The following TAAR5 variants were observed in gnomAD, a reference collection of about 807,000 sequenced individuals.
TAAR5 encodes the protein trace amine-associated receptor 5.
TAAR5 carries 27 observed loss-of-function variants against 21.1 expected under a neutral mutation model. The observed-to-expected ratio is 1.28, with a 90% CI of 0.94 to 1.76. The LOEUF (loss-of-function observed/expected upper bound fraction) is 1.76, where lower values mean the gene tolerates loss of function less well. Ranked by LOEUF, TAAR5 falls within the 40% of genes most tolerant of loss-of-function variation. The pLI is 0.00. For synonymous variants in TAAR5, 203 were observed against 167.5 expected, an observed-to-expected ratio of 1.21 and a Z score of -1.64; for missense variants, 495 against 405.6, an observed-to-expected ratio of 1.22 and a Z score of -1.89.
the TAAR5 span, among the ~76,000 whole-genome samples, chr6:132,606,625 G>T: frequency 1.3e-5 from 2 of 152,130 alleles, no homozygotes; most frequent in African/African-American, 4.8e-5. Flanking sequence ...ATATTTTACT[G>T]CTATCAATTA....
At chr6:132,600,871 G>C in the TAAR5 span, among the ~76,000 whole-genome samples, 2 of 44,498 alleles carry the variant, frequency 4.5e-5, no homozygotes, top group Non-Finnish European at 9.3e-5. Flanking sequence ...GAAGGAAGGA[G>C]AGAGGGAAGG....
At chr6:132,591,065 G>T (rs1776899534), upstream of TAAR5, among the ~76,000 whole-genome samples, 1 of 152,152 alleles carries the variant, frequency 6.6e-6, no homozygotes, top group Non-Finnish European at 1.5e-5. Flanking sequence ...AGAAAGCATG[G>T]TAGATGAAGC....
upstream of TAAR5, among the ~76,000 whole-genome samples, chr6:132,592,523 A>T (rs377075584): frequency 2.0e-5 from 3 of 152,126 alleles, no homozygotes; most frequent in African/African-American, 7.2e-5. Context: ...TGTAAATCTC[A>T]TGTCAAATTG....
In TAAR5 at chr6:132,589,115, C is replaced by T. The variant is rs1276273844; in HGVS notation, c.572G>A (p.Ser191Asn). 1 of 1,613,522 alleles carries T rather than the reference C, an allele frequency of 6.2e-7. No homozygotes were observed. The highest frequency in any genetic ancestry group is 8.5e-7 in the Non-Finnish European group (1 of 1,179,664). ...AAATTTATTGAGCAGCAGCTGGCAA[C>T]TGCCCACACAAGGCATCTCTTCCAG... Reference protein sequence around the residue: ...QWLEEMPCVGSCQLLLNKFWG... With the variant: ...QWLEEMPCVGNCQLLLNKFWG... Residue 191 changes from serine to asparagine, a missense_variant, in exon 1 of 1, where the codon AGT (serine) becomes AAT (asparagine). Coordinates refer to ENST00000258034, the MANE Select transcript of TAAR5 (RefSeq NM_003967.3).
chr6:132,595,992 C>T, the TAAR5 span, among the ~76,000 whole-genome samples: 17 of 152,308 alleles, frequency 1.1e-4, no homozygotes, highest in Admixed American at 8.5e-4. Context: ...ACATTTATCT[C>T]TCCAGTATGG....
chr6:132,608,488 AC>A, the TAAR5 span: 2 of 454,472 alleles, frequency 4.4e-6, no homozygotes. Context: ...AGCCAGAAAC[AC>A]CCCCATTACT....
chr6:132,615,137 C>T, the TAAR5 span, among the ~76,000 whole-genome samples: 4 of 152,242 alleles, frequency 2.6e-5, no homozygotes, highest in African/African-American at 9.6e-5. Flanking sequence ...GCTGGGATTA[C>T]AGGCATCTCT....
the TAAR5 span, among the ~76,000 whole-genome samples, chr6:132,614,464 T>G: frequency 1.3e-5 from 2 of 152,156 alleles, no homozygotes; most frequent in Non-Finnish European, 2.9e-5. Flanking sequence ...CAACAATTTC[T>G]GATTCTTTAT....
the TAAR5 span, among the ~76,000 whole-genome samples, chr6:132,615,938 C>G: frequency 6.6e-6 from 1 of 151,040 alleles, no homozygotes; most frequent in Non-Finnish European, 1.5e-5. Context: ...AATAAAACTT[C>G]ATGAGGCTAT....
Position 132,589,142 on chromosome 6 carries a change from C to T in TAAR5, c.545G>A (p.Trp182Ter). 2.5e-6 allele frequency: 4 copies of T among 1,611,670 alleles called. No individual in the cohort carries two copies. The highest frequency in any genetic ancestry group is 1.1e-5 in the South Asian group (1 of 90,482). Residue 182 changes from tryptophan (W) to a stop codon, truncating the protein, a stop_gained, in exon 1 of 1, where the codon TGG becomes TAG. Coordinates refer to ENST00000258034, the MANE Select transcript of TAAR5 (RefSeq NM_003967.3). LOFTEE classifies it high-confidence loss of function. ...TDVVETRLSQ[W>*]LEEMPCVGSC... The stretch of plus-strand genomic sequence containing the variant: ...GCCCACACAAGGCATCTCTTCCAGC[C>T]ACTGGCTGAGCCTTGTCTCTACCAC...
upstream of TAAR5, among the ~76,000 whole-genome samples, chr6:132,592,146 T>C (rs576188717): frequency 2.6e-5 from 4 of 152,390 alleles, no homozygotes; most frequent in South Asian, 8.3e-4. Flanking sequence ...TTCATTAATG[T>C]TGCAGCAAGC....
At chr6:132,601,093 G>GA in the TAAR5 span, among the ~76,000 whole-genome samples, 1 of 136,652 alleles carries the variant, frequency 7.3e-6, no homozygotes, top group African/African-American at 2.6e-5. Flanking sequence ...AGGAAGGAGG[G>GA]AGGGAAGGAG....
chr6:132,605,233 A>T, the TAAR5 span, among the ~76,000 whole-genome samples: 1 of 152,228 alleles, frequency 6.6e-6, no homozygotes, highest in African/African-American at 2.4e-5. Flanking sequence ...TTAAGAGAAA[A>T]GTGTCAACGC....
At chr6:132,615,105 G>A in the TAAR5 span, among the ~76,000 whole-genome samples, 2 of 152,174 alleles carry the variant, frequency 1.3e-5, no homozygotes, top group East Asian at 1.9e-4. Flanking sequence ...CTCATGATCC[G>A]CCTACCTGGG....
upstream of TAAR5, among the ~76,000 whole-genome samples, chr6:132,593,301 G>T (rs1420787113): frequency 6.6e-6 from 1 of 152,086 alleles, no homozygotes; most frequent in Non-Finnish European, 1.5e-5. Context: ...GAGTGGCTAT[G>T]GTCCCTCCTA....
chr6:132,611,830 C>G, the TAAR5 span, among the ~76,000 whole-genome samples: 1 of 152,116 alleles, frequency 6.6e-6, no homozygotes, highest in Non-Finnish European at 1.5e-5. Context: ...AACAAACAGG[C>G]CTTGTTAAGT....
the TAAR5 span, among the ~76,000 whole-genome samples, chr6:132,596,313 A>C: frequency 6.6e-6 from 1 of 152,174 alleles, no homozygotes; most frequent in Non-Finnish European, 1.5e-5. Flanking sequence ...AATGGGACTG[A>C]CTTATCCAGA....
chr6:132,599,323 CTTTTTTTTTTTTT>C, the TAAR5 span, among the ~76,000 whole-genome samples: 12 of 98,464 alleles, frequency 1.2e-4, no homozygotes, highest in Admixed American at 8.0e-4. Context: ...CTTTTCTTTT[CTTTTTTTTTTTTT>C]TTTTTTTTTT....
the TAAR5 span, among the ~76,000 whole-genome samples, chr6:132,610,277 T>C: frequency 6.6e-6 from 1 of 152,186 alleles, no homozygotes; most frequent in African/African-American, 2.4e-5. Context: ...ACATTGTGCC[T>C]ATAACAAAGC....
Sources: allele counts gnomAD v4.1 joint callset (sites outside exome capture counted in the v4.1 genomes callset), GRCh38; gene constraint gnomAD v4.1.1; transcripts MANE v1.5; gene names NCBI Gene and HGNC (gene_info 2026-07-23, HGNC 2026-07-21).